The following JMJD1C variants were observed in gnomAD, a reference collection of about 807,000 sequenced individuals.
The protein encoded by JMJD1C is jumonji domain containing 1C, also known as jumonji domain-containing protein 1C.
Under a neutral mutation model 245.3 loss-of-function variants are expected in JMJD1C, and 31 were observed. The observed-to-expected ratio is 0.13, with a 90% confidence interval of 0.09 to 0.17. JMJD1C has a LOEUF of 0.17. Ranked by LOEUF, JMJD1C falls within the 10% of genes least tolerant of loss-of-function variation. The probability of loss-of-function intolerance (pLI) is 1.00; values close to 1 mark genes in which losing one functional copy is unlikely to be tolerated. For synonymous variants in JMJD1C, 1,057 were observed against 1,017.4 expected (o/e 1.04, Z -0.74); for missense variants, 2,691 against 3,000.2 (o/e 0.90, Z 2.41).
chr10:63,502,599 TG>T, intron 1 of JMJD1C, among the ~76,000 whole-genome samples: 1 of 135,922 alleles, frequency 7.4e-6, no homozygotes, highest in South Asian at 2.3e-4. Flanking sequence ...GTTGCGCCAC[TG>T]CACTCCAGCC....
intron 1 of JMJD1C, among the ~76,000 whole-genome samples, chr10:63,415,370 ATAT>A (rs1314321768): frequency 6.6e-6 from 1 of 152,196 alleles, no homozygotes; most frequent in Non-Finnish European, 1.5e-5. Context: ...CTATTATGTG[ATAT>A]TAATAAACAG....
At chr10:63,435,349 G>T (rs1049843245) in intron 1 of JMJD1C, among the ~76,000 whole-genome samples, 1 of 152,064 alleles carries the variant, frequency 6.6e-6, no homozygotes, top group African/African-American at 2.4e-5. Context: ...CTTTTAACAG[G>T]CTGAATAATT....
chr10:63,321,366 C>T (rs994998656), intron 2 of JMJD1C, among the ~76,000 whole-genome samples: 5 of 152,156 alleles, frequency 3.3e-5, no homozygotes, highest in African/African-American at 9.7e-5. Flanking sequence ...CTACTACTTG[C>T]GATTGTCATC....
chr10:63,279,028 T>A (rs1313866145), intron 2 of JMJD1C, among the ~76,000 whole-genome samples: 1 of 152,064 alleles, frequency 6.6e-6, no homozygotes, highest in Non-Finnish European at 1.5e-5. Context: ...GGCAGCTGGA[T>A]CACCTGAGGT....
At chr10:63,336,732 C>A (rs980181316) in intron 2 of JMJD1C, among the ~76,000 whole-genome samples, 24 of 152,286 alleles carry the variant, frequency 1.6e-4, no homozygotes, top group Admixed American at 3.3e-4. Context: ...AAAACCCTGA[C>A]AATCCGATAT....
intron 1 of JMJD1C, among the ~76,000 whole-genome samples, chr10:63,509,922 A>G (rs1954825085): frequency 6.6e-6 from 1 of 150,490 alleles, no homozygotes; most frequent in Non-Finnish European, 1.5e-5. Context: ...AACTTTTATT[A>G]TATTTCTTTT....
At position 63,208,720 on chromosome 10, in the gene JMJD1C, C is replaced by T; in HGVS notation, c.2949G>A (p.Arg983=). The T allele has an allele frequency of 3.1e-6, 5 of 1,613,942 alleles. No homozygotes were observed. Among genetic ancestry groups the T allele is most frequent in the Non-Finnish European group, 4.2e-6 (5 of 1,179,876 alleles). ...AGTGACAATCTTTTCCAGTCTGTGACCTATTTAGATCCAGGTCATTTTTGG... is the reference window on the plus strand; with the variant it reads ...AGTGACAATCTTTTCCAGTCTGTGATCTATTTAGATCCAGGTCATTTTTGG... ...TSAKNDLDLN[R]SQTGKDCHLH... is the part of the protein sequence containing the mutation. Residue 983 remains arginine (R), a synonymous_variant, in exon 10 of 26, where the codon AGG becomes AGA. Coordinates refer to ENST00000399262, the MANE Select transcript of JMJD1C (RefSeq NM_032776.3).
intron 1 of JMJD1C, among the ~76,000 whole-genome samples, chr10:63,393,122 GC>G (rs1948212262): frequency 6.6e-6 from 1 of 151,888 alleles, no homozygotes; most frequent in African/African-American, 2.4e-5. Flanking sequence ...CAAAAAATTA[GC>G]CGGATGTGGT....
chr10:63,472,516 G>C (rs1035588864), intron 1 of JMJD1C, among the ~76,000 whole-genome samples: 1 of 152,056 alleles, frequency 6.6e-6, no homozygotes, highest in Non-Finnish European at 1.5e-5. Flanking sequence ...ATTTTTAGTA[G>C]AGACGGGGTT....
intron 2 of JMJD1C, among the ~76,000 whole-genome samples, chr10:63,312,752 G>C (rs1182066863): frequency 6.6e-6 from 1 of 151,946 alleles, no homozygotes; most frequent in Admixed American, 6.6e-5. Flanking sequence ...TTCTACACAG[G>C]CCTTGAAAAT....
intron 3 of JMJD1C, chr10:63,223,010 T>C (rs750957044): frequency 1.4e-5 from 19 of 1,360,010 alleles, no homozygotes; most frequent in South Asian, 3.5e-5. Context: ...CAATACACTA[T>C]ATAACAATAC....
At position 63,250,276 on chromosome 10, in the gene JMJD1C, T is replaced by TA. The variant is rs1449580698; in HGVS notation, c.447+14374dup. 2.0e-5 allele frequency among the ~76,000 whole-genome samples: 3 copies of TA among 152,222 alleles called. No individual in the cohort carries two copies. In the East Asian group the frequency reaches 5.8e-4, roughly 29 times the overall value. ...CAAGTGATCCTCCTGCTTTGGCTCT[T>TA]AAAGTGGTAGGATTATAGGCTTAAG... On this transcript the variant is annotated intron_variant, in intron 3 of 25. Coordinates refer to ENST00000399262, the MANE Select transcript of JMJD1C (RefSeq NM_032776.3).
At chr10:63,363,623 C>A (rs1338519122) in intron 2 of JMJD1C, among the ~76,000 whole-genome samples, 1 of 152,152 alleles carries the variant, frequency 6.6e-6, no homozygotes, top group Non-Finnish European at 1.5e-5. Context: ...TGCAAAGCAT[C>A]TGGGGCTTTG....
chr10:63,312,357 C>A (rs559115424), intron 2 of JMJD1C, among the ~76,000 whole-genome samples: 1 of 152,272 alleles, frequency 6.6e-6, no homozygotes, highest in South Asian at 2.1e-4. Context: ...ATCCGCCCAC[C>A]TTGGCCTCCC....
chr10:63,367,307 T>A (rs989941272), intron 2 of JMJD1C, among the ~76,000 whole-genome samples: 2 of 152,146 alleles, frequency 1.3e-5, no homozygotes, highest in Non-Finnish European at 2.9e-5. Flanking sequence ...TGGGGTGCAA[T>A]GGCATATCAG....
At position 63,488,541 on chromosome 10, in the gene JMJD1C, TAAA is replaced by T. The variant is rs34776341; in HGVS notation, n.113+33194_113+33196del. On this transcript the variant is annotated intron_variant and non_coding_transcript_variant, in intron 1 of 3. Transcript: ENST00000633035. ...TTCAAAATGAGTTGAAAATGAATGT[TAAA>T]AAAAAAAAACTGTACTATATTTAAA... is the stretch of plus-strand genomic sequence containing the variant. Among the ~76,000 whole-genome samples, 350 of 149,220 alleles carry T rather than the reference TAAA, an allele frequency of 2.3e-3. 2 individuals carry two copies. The highest frequency in any genetic ancestry group is 8.3e-3 in the African/African-American group (339 of 40,906).
intron 2 of JMJD1C, among the ~76,000 whole-genome samples, chr10:63,314,024 A>G (rs1434028932): frequency 6.6e-6 from 1 of 152,168 alleles, no homozygotes; most frequent in Non-Finnish European, 1.5e-5. Context: ...GGTTTTTCCA[A>G]TGTTATCCTC....
intron 1 of JMJD1C, among the ~76,000 whole-genome samples, chr10:63,457,422 C>G (rs1214987921): frequency 6.6e-6 from 1 of 151,986 alleles, no homozygotes; most frequent in Non-Finnish European, 1.5e-5. Flanking sequence ...ACAGTAGAGA[C>G]GGTGGATCAA....
chr10:63,454,081 A>G lies in JMJD1C; in HGVS notation c.168+11414T>C, dbSNP rs999725805. 1.7e-4 allele frequency among the ~76,000 whole-genome samples: 26 copies of G among 152,086 alleles called. No individual in the cohort carries two copies. The East Asian group carries it at 4.5e-3, about 26-fold the overall frequency. On this transcript the variant is annotated intron_variant, in intron 1 of 25. Transcript: ENST00000399262. The stretch of plus-strand genomic sequence containing the variant: ...TACTAGTCAGAAAATTACATGTTTT[A>G]ATTTTTAACTTTTTAATGGTTACTA...
Sources: gnomAD v4.1 joint callset for allele counts (sites outside exome capture counted in the v4.1 genomes callset) on GRCh38, gnomAD v4.1.1 for gene constraint, MANE v1.5 for transcripts, NCBI Gene and HGNC (gene_info 2026-07-23, HGNC 2026-07-21) for gene names.